Variants in UST observed in about 807,000 individuals in gnomAD.
UST encodes uronyl 2-sulfotransferase.
In UST, 21 loss-of-function variants were observed where a neutral mutation model predicts 45.6. The ratio of observed to expected loss-of-function variants is 0.46; its 90% CI spans 0.33 to 0.66. The LOEUF is 0.66. Ranked by LOEUF, UST falls within the 30% of genes least tolerant of loss-of-function variation. The pLI is 0.02. For missense variants in UST, 463 were observed against 512.4 expected, an observed-to-expected ratio of 0.90 and a Z score of 0.93; for synonymous variants, 215 against 200.6, an observed-to-expected ratio of 1.07 and a Z score of -0.61.
chr6:148,966,483 A>G (rs1000865237), intron 5 of UST, among the ~76,000 whole-genome samples: 3 of 152,188 alleles, frequency 2.0e-5, no homozygotes, highest in African/African-American at 7.2e-5. Context: ...AGTTAGAACC[A>G]AAGGACAGCA....
chr6:148,837,892 G>T (rs775183840), intron 1 of UST, among the ~76,000 whole-genome samples: 62 of 152,062 alleles, frequency 4.1e-4, no homozygotes, highest in Non-Finnish European at 7.2e-4. Context: ...TTGTAGAGAC[G>T]GGGTTTCGCC....
At chr6:148,830,242 T>A (rs1562270600) in intron 1 of UST, among the ~76,000 whole-genome samples, 2 of 152,222 alleles carry the variant, frequency 1.3e-5, no homozygotes, top group Non-Finnish European at 2.9e-5. Flanking sequence ...TTCTTGCCAG[T>A]TTGTGGCAAG....
At chr6:148,898,588 T>C (rs1029754741) in intron 2 of UST, among the ~76,000 whole-genome samples, 2 of 152,194 alleles carry the variant, frequency 1.3e-5, no homozygotes, top group African/African-American at 2.4e-5. Context: ...CCTAAATTTA[T>C]CAATTTTATG....
In UST at chr6:148,919,398, G is replaced by A. The variant is rs117697868; in HGVS notation, c.292-21881G>A. ...GGGAGAACCCCTCTATCTCTCCATA[G>A]TGTGCTCAGTGTCAGAGCCGTGTGT... On this transcript the variant is annotated intron_variant, in intron 2 of 7. Coordinates refer to ENST00000367463, the MANE Select transcript of UST (RefSeq NM_005715.3). 1.1e-4 allele frequency among the ~76,000 whole-genome samples: 16 copies of A among 147,614 alleles called. No individual in the cohort carries two copies. The East Asian group carries it at 3.3e-3, about 30-fold the overall frequency.
chr6:148,899,315 G>T (rs1779203619), intron 2 of UST, among the ~76,000 whole-genome samples: 5 of 152,022 alleles, frequency 3.3e-5, no homozygotes, highest in Admixed American at 3.3e-4. Flanking sequence ...TAGCCAGAAT[G>T]GTCTCGATCT....
At chr6:148,974,984 A>G (rs1166754307) in intron 5 of UST, among the ~76,000 whole-genome samples, 1 of 152,242 alleles carries the variant, frequency 6.6e-6, no homozygotes, top group Non-Finnish European at 1.5e-5. Flanking sequence ...GACTTGTAGA[A>G]AGAGTCAGCA....
chr6:148,985,756 G>A (rs543298579), intron 5 of UST, among the ~76,000 whole-genome samples: 1 of 152,234 alleles, frequency 6.6e-6, no homozygotes, highest in South Asian at 2.1e-4. Context: ...AAAGGAAGAG[G>A]TAGGTCCTCA....
At chr6:148,943,915 C>T (rs900861543) in intron 3 of UST, among the ~76,000 whole-genome samples, 3 of 152,108 alleles carry the variant, frequency 2.0e-5, no homozygotes, top group Admixed American at 1.3e-4. Context: ...ATTACCTCTC[C>T]GCAGCCATCT....
chr6:148,765,892 T>C (rs1219465451), intron 1 of UST, among the ~76,000 whole-genome samples: 2 of 152,212 alleles, frequency 1.3e-5, no homozygotes, highest in Non-Finnish European at 2.9e-5. Flanking sequence ...TTATGTTGAA[T>C]AGTGTAGTGG....
At chr6:148,876,214 A>G (rs920666919) in intron 1 of UST, among the ~76,000 whole-genome samples, 1 of 151,996 alleles carries the variant, frequency 6.6e-6, no homozygotes, top group African/African-American at 2.4e-5. Flanking sequence ...GAGTGGGGGA[A>G]GTGCCACACA....
chr6:148,793,392 C>A (rs936816224), intron 1 of UST, among the ~76,000 whole-genome samples: 3 of 152,096 alleles, frequency 2.0e-5, no homozygotes, highest in Non-Finnish European at 4.4e-5. Flanking sequence ...CCTATATAAC[C>A]CAAACCAAGC....
chr6:148,995,494 A>G (rs531312211), intron 5 of UST, among the ~76,000 whole-genome samples: 189 of 152,372 alleles, frequency 1.2e-3, no homozygotes, highest in African/African-American at 4.4e-3. Flanking sequence ...TTCTAGTCGC[A>G]TTACAAACTC....
At chr6:148,973,403 A>T (rs1011159079) in intron 5 of UST, among the ~76,000 whole-genome samples, 1 of 152,242 alleles carries the variant, frequency 6.6e-6, no homozygotes, top group African/African-American at 2.4e-5. Flanking sequence ...GTCCATTGCC[A>T]TCTCTTCAAA....
chr6:148,821,804 TATTCATTC>T (rs1777471105), intron 1 of UST, among the ~76,000 whole-genome samples: 2 of 152,250 alleles, frequency 1.3e-5, no homozygotes, highest in African/African-American at 4.8e-5. Flanking sequence ...GTTTACTTAT[TATTCATTC>T]ATTTATCTTT....
At chr6:148,814,952 G>A (rs529424328) in intron 1 of UST, among the ~76,000 whole-genome samples, 22 of 152,270 alleles carry the variant, frequency 1.4e-4, no homozygotes, top group Admixed American at 5.9e-4. Context: ...TTGTATATTA[G>A]GATGTGTGTG....
chr6:149,041,067 G>A (rs952788893), intron 7 of UST, among the ~76,000 whole-genome samples: 8 of 152,170 alleles, frequency 5.3e-5, no homozygotes, highest in Non-Finnish European at 1.0e-4. Flanking sequence ...TTCCCAGGTC[G>A]GCCTTGAAAA....
At chr6:149,016,239 A>G (rs186533100) in intron 5 of UST, among the ~76,000 whole-genome samples, 46 of 152,312 alleles carry the variant, frequency 3.0e-4, no homozygotes, top group Middle Eastern at 3.4e-3. Flanking sequence ...CACTTTTAAA[A>G]CTAGGAATTT....
chr6:148,905,713 C>A (rs189476969), intron 2 of UST, among the ~76,000 whole-genome samples: 8 of 152,300 alleles, frequency 5.3e-5, no homozygotes, highest in African/African-American at 1.9e-4. Flanking sequence ...ATCCTTTGAG[C>A]GTATCATTTC....
intron 1 of UST, among the ~76,000 whole-genome samples, chr6:148,804,144 T>C (rs528427070): frequency 6.6e-6 from 1 of 152,218 alleles, no homozygotes; most frequent in Non-Finnish European, 1.5e-5. Flanking sequence ...TTTGAAAAAC[T>C]CTTGCAACTC....
Sources: gnomAD v4.1 joint callset for allele counts (sites outside exome capture counted in the v4.1 genomes callset) on GRCh38, gnomAD v4.1.1 for gene constraint, MANE v1.5 for transcripts, NCBI Gene and HGNC (gene_info 2026-07-23, HGNC 2026-07-21) for gene names.